Variants in ATP5F1C observed in about 807,000 individuals in gnomAD.
ATP5F1C encodes the protein ATP synthase F(1) complex subunit gamma, mitochondrial.
Under a neutral mutation model 37.4 loss-of-function variants are expected in ATP5F1C, and 22 were observed. The ratio of observed to expected loss-of-function variants is 0.59; its 90% CI spans 0.42 to 0.84. The LOEUF (loss-of-function observed/expected upper bound fraction) is 0.84. Among genes scored for constraint, ATP5F1C ranks in the 40% least tolerant of loss-of-function variants. The probability of loss-of-function intolerance (pLI) is 0.00; values close to 1 mark genes in which losing one functional copy is unlikely to be tolerated. For missense variants in ATP5F1C, 286 were observed against 362.4 expected (o/e 0.79, Z 1.71); for synonymous variants, 121 against 128.0 (o/e 0.95, Z 0.37).
chr10:7,797,380 T>C (rs1226874655), intron 3 of ATP5F1C, among the ~76,000 whole-genome samples: 4 of 152,172 alleles, frequency 2.6e-5, no homozygotes, highest in Non-Finnish European at 5.9e-5. Context: ...AATCCCTGCT[T>C]TCCAGTGAGA....
chr10:7,800,196 A>C, intron 6 of ATP5F1C, 105 bp downstream of exon 6: 1 of 1,188,998 alleles, frequency 8.4e-7, no homozygotes, highest in Non-Finnish European at 1.2e-6. Context: ...ATAGCAAATG[A>C]TTTGGGGCTG....
chr10:7,799,828 C>G lies in ATP5F1C; in HGVS notation c.485C>G (p.Thr162Ser). 1 of 1,614,182 alleles carries G rather than the reference C, an allele frequency of 6.2e-7. No individual in the cohort carries two copies. The highest frequency in any genetic ancestry group is 8.5e-7 in the Non-Finnish European group (1 of 1,180,022). ...AAAGAAGTGGGAAGAAAGCCCCCCA[C>G]TTTTGGAGATGCGTCAGTCATTGCC... ...AFKEVGRKPP[T>S]FGDASVIALE... Residue 162 changes from threonine (T) to serine (S), a missense_variant, in exon 5 of 10, where the codon ACT becomes AGT. Physicochemically the swap from Thr to Ser is moderately conservative, Grantham distance 58. Transcript: ENST00000356708.
At position 7,798,353 on chromosome 10, in the gene ATP5F1C, C is replaced by T. The variant is rs137863663; in HGVS notation, c.224-637C>T. 1.9e-3 allele frequency among the ~76,000 whole-genome samples: 287 copies of T among 152,250 alleles called. 2 individuals are homozygous for T. Among genetic ancestry groups the T allele is most frequent in the African/African-American group, 6.4e-3 (264 of 41,546 alleles). On this transcript the variant is annotated intron_variant, in intron 3 of 9. Transcript: ENST00000356708. The stretch of plus-strand genomic sequence containing the variant: ...CCAGGCTCAAGCGATTCTCCTGCCT[C>T]AGCCTCCCCAGTAGCTGGGATTAAC...
chr10:7,788,460 G>T (rs1259242813), intron 1 of ATP5F1C, among the ~76,000 whole-genome samples, 197 bp downstream of exon 1: 1 of 152,242 alleles, frequency 6.6e-6, no homozygotes, highest in African/African-American at 2.4e-5. Flanking sequence ...GCAGGGCCGG[G>T]CTCCGGCGGA....
At chr10:7,807,531 T>A in intron 9 of ATP5F1C, 128 bp from the exon 10 acceptor site, 1 of 1,118,556 alleles carries the variant, frequency 8.9e-7, no homozygotes, top group Non-Finnish European at 1.2e-6. Flanking sequence ...ATCACTGGTA[T>A]AGGGTAACAC....
At chr10:7,789,490 G>A (rs1836122904) in intron 1 of ATP5F1C, among the ~76,000 whole-genome samples, 1 of 152,032 alleles carries the variant, frequency 6.6e-6, no homozygotes. Flanking sequence ...GAATTAAAAG[G>A]TCACTGTAGT....
At chr10:7,788,382 C>A in intron 1 of ATP5F1C, 119 bp downstream of exon 1, 1 of 1,401,896 alleles carries the variant, frequency 7.1e-7, no homozygotes, top group Non-Finnish European at 9.8e-7. Flanking sequence ...TAGCTGGGCC[C>A]CTGGCCCGTC....
chr10:7,800,148 C>T, intron 6 of ATP5F1C, 57 bp downstream of exon 6: 1 of 1,498,244 alleles, frequency 6.7e-7, no homozygotes, highest in African/African-American at 1.4e-5. Flanking sequence ...GAGATTTGTA[C>T]ACTAAGGCAG....
At chr10:7,804,209 G>A (rs1836429842) in intron 8 of ATP5F1C, 1 of 518,592 alleles carries the variant, frequency 1.9e-6, no homozygotes, top group African/African-American at 1.9e-5. Flanking sequence ...TTGCTGTGTG[G>A]CCCTTCACCG....
chr10:7,803,175 G>A (rs895475498), intron 8 of ATP5F1C, among the ~76,000 whole-genome samples: 1 of 152,058 alleles, frequency 6.6e-6, no homozygotes, highest in African/African-American at 2.4e-5. Flanking sequence ...GAGTTACAGG[G>A]CTAGTTTCAG....
At chr10:7,802,496 T>C (rs1836389187) in intron 7 of ATP5F1C, 71 bp downstream of exon 7, 1 of 1,526,376 alleles carries the variant, frequency 6.6e-7, no homozygotes, top group East Asian at 2.3e-5. Flanking sequence ...CTGAGAGGAG[T>C]CCGTGGCCGA....
chr10:7,799,328 A>G, intron 4 of ATP5F1C, 134 bp downstream of exon 4: 1 of 745,660 alleles, frequency 1.3e-6, no homozygotes, highest in Non-Finnish European at 2.2e-6. Flanking sequence ...TGGTATATTC[A>G]CAAGGGGGTG....
rs377182761 is a variant in ATP5F1C at position 7,799,094 on chromosome 10, A to G, written c.328A>G (p.Ile110Val). 2.4e-5 allele frequency: 39 copies of G among 1,613,706 alleles called. No homozygotes were observed. Among genetic ancestry groups the G allele is most frequent in the Non-Finnish European group, 3.2e-5 (38 of 1,179,924 alleles). The change falls in exon 4 of 10, where the codon ATT becomes GTT. Residue 110 changes from isoleucine (I) to valine (V), a missense_variant. By Grantham distance (29) the Ile-to-Val change is conservative. Coordinates refer to ENST00000356708, the MANE Select transcript of ATP5F1C (RefSeq NM_001001973.3). ...ACTGTGTGGTGCTATTCATTCCTCC[A>G]TTGCTAAACAGATGAAAAGCGAGGT... ...RGLCGAIHSS[I>V]AKQMKSEVAT...
chr10:7,788,911 A>G (rs143680594), intron 1 of ATP5F1C, among the ~76,000 whole-genome samples: 3 of 151,714 alleles, frequency 2.0e-5, no homozygotes, highest in South Asian at 2.1e-4. Context: ...ACCTAGCACT[A>G]CCTTGAAACC....
rs201252763 is a variant in ATP5F1C at position 7,788,345 on chromosome 10, CG to C, written c.56+87del. 1.5e-3 allele frequency: 2,323 copies of C among 1,557,672 alleles called. 33 individuals are homozygous for C. In the African/African-American group the frequency reaches 0.028, roughly 19 times the overall value. On this transcript the variant is annotated intron_variant, in intron 1 of 9. Coordinates refer to ENST00000356708, the MANE Select transcript of ATP5F1C (RefSeq NM_001001973.3). ...CGGGGCAGGGAGGAGGAGATGGGCG[CG>C]GGGGCAGATGTGGGGTCGCAGGGCC...
intron 8 of ATP5F1C, among the ~76,000 whole-genome samples, chr10:7,806,624 A>C (rs1218364291): frequency 1.3e-5 from 2 of 151,628 alleles, no homozygotes; most frequent in African/African-American, 4.8e-5. Flanking sequence ...ACTGCACTCC[A>C]GCCTGGGCAA....
intron 1 of ATP5F1C, among the ~76,000 whole-genome samples, chr10:7,791,508 T>C (rs2131054597): frequency 6.6e-6 from 1 of 152,298 alleles, no homozygotes; most frequent in South Asian, 2.1e-4. Context: ...TCTCAAACAA[T>C]AGTTTCTTGG....
intron 1 of ATP5F1C, among the ~76,000 whole-genome samples, chr10:7,795,522 A>T (rs928513442): frequency 6.6e-5 from 10 of 152,258 alleles, no homozygotes; most frequent in African/African-American, 2.4e-4. Flanking sequence ...ACTAAATGTT[A>T]TGTAAATGTA....
In ATP5F1C at chr10:7,802,382, G is replaced by T. The variant is rs1389938511; in HGVS notation, c.750G>T (p.Gln250His). Residue 250 changes from glutamine to histidine, a missense_variant, in exon 7 of 10, where the codon CAG (glutamine) becomes CAT (histidine). By Grantham distance (24) the Gln-to-His change is conservative. Transcript: ENST00000356708. ...TGAAGGAGTCCACCACTAGTGAGCA[G>T]AGTGCCAGGATGACAGCCATGGACA... ...YSLKESTTSE[Q>H]SARMTAMDNA... 8 of 1,614,014 alleles carry T rather than the reference G, an allele frequency of 5.0e-6. No individual in the cohort carries two copies. Among genetic ancestry groups the T allele is most frequent in the Non-Finnish European group, 6.8e-6 (8 of 1,179,986 alleles).
Sources: allele counts gnomAD v4.1 joint callset (sites outside exome capture counted in the v4.1 genomes callset), GRCh38; gene constraint gnomAD v4.1.1; transcripts MANE v1.5; gene names NCBI Gene and HGNC (gene_info 2026-07-23, HGNC 2026-07-21).